Variants in CAPN9 observed in about 807,000 individuals in gnomAD.
The protein encoded by CAPN9 is calpain-9.
A neutral mutation model predicts 92.8 loss-of-function variants in CAPN9; 81 were observed. That is an observed-to-expected ratio of 0.87 (90% CI 0.73 to 1.05). CAPN9 has a LOEUF of 1.05. Among genes scored for constraint, CAPN9 ranks in the 50% least tolerant of loss-of-function variants. The probability of loss-of-function intolerance (pLI) is 0.00; values close to 1 mark genes in which losing one functional copy is unlikely to be tolerated. For missense variants in CAPN9, 848 were observed against 866.2 expected, an observed-to-expected ratio of 0.98 and a Z score of 0.26; for synonymous variants, 304 against 328.0, an observed-to-expected ratio of 0.93 and a Z score of 0.79.
intron 17 of CAPN9, 139 bp from the exon 18 acceptor site, chr1:230,795,024 G>A: frequency 1.5e-6 from 1 of 647,202 alleles, no homozygotes; most frequent in Non-Finnish European, 2.8e-6. Flanking sequence ...TGGGTCTGGG[G>A]ACCCCAGCTT....
chr1:230,755,423 G>T lies in CAPN9; in HGVS notation c.283+17G>T. ...GAGAGCTGGGTGAGTGTAAGTGGAT[G>T]GAGCATGGCGAGAGGGAGGTTGAGT... On this transcript the variant is annotated intron_variant, in intron 2 of 19. Coordinates refer to ENST00000271971, the MANE Select transcript of CAPN9 (RefSeq NM_006615.3). The T allele has an allele frequency of 6.3e-7, 1 of 1,587,434 alleles. No homozygotes were observed. The highest frequency in any genetic ancestry group is 2.3e-5 in the East Asian group (1 of 43,398).
At chr1:230,769,333 T>C in intron 6 of CAPN9, 70 bp downstream of exon 6, 3 of 1,107,288 alleles carry the variant, frequency 2.7e-6, no homozygotes, top group Non-Finnish European at 4.1e-6. Context: ...TAGGCATTTA[T>C]TCAGTGCATT....
chr1:230,778,574 C>G (rs555737996), intron 8 of CAPN9, among the ~76,000 whole-genome samples: 51 of 152,310 alleles, frequency 3.3e-4, no homozygotes, highest in African/African-American at 1.2e-3. Flanking sequence ...GCCTCGGGGC[C>G]TTGCTGTCCA....
intron 9 of CAPN9, 71 bp from the exon 10 acceptor site, chr1:230,780,108 G>GTGTGGTCTT: frequency 1.0e-6 from 1 of 958,138 alleles, no homozygotes; most frequent in Non-Finnish European, 1.6e-6. Flanking sequence ...GTGTGTGTGT[G>GTGTGGTCTT]TGTGTGTGTG....
intron 1 of CAPN9, among the ~76,000 whole-genome samples, chr1:230,755,131 G>A (rs1349450285): frequency 1.3e-5 from 2 of 152,196 alleles, no homozygotes; most frequent in African/African-American, 4.8e-5. Context: ...CTCCCCGGCG[G>A]AGGAGATTTA....
intron 19 of CAPN9, among the ~76,000 whole-genome samples, chr1:230,799,008 A>G (rs149598344): frequency 1.3e-5 from 2 of 151,798 alleles, no homozygotes; most frequent in East Asian, 1.9e-4. Flanking sequence ...TGTAATTTTT[A>G]TCTCCCTTTT....
In CAPN9 at chr1:230,791,891, G is replaced by A; in HGVS notation, c.1685G>A (p.Ser562Asn). Residue 562 changes from serine (S) to asparagine (N), a missense_variant, in exon 15 of 20, where the codon AGC becomes AAC. Physicochemically the swap from Ser to Asn is conservative, Grantham distance 46 (BLOSUM62 1). Transcript: ENST00000271971. ...AAGGACATCAAATTCAAGAAGCTAA[G>A]CCTGATCTCCTGTAAAAACATCATT... ...KKKDIKFKKL[S>N]LISCKNIISL... 3.7e-6 allele frequency: 6 copies of A among 1,613,766 alleles called. No homozygotes were observed. Among genetic ancestry groups the A allele is most frequent in the Non-Finnish European group, 5.1e-6 (6 of 1,179,698 alleles).
chr1:230,769,087 G>A, intron 5 of CAPN9, 93 bp from the exon 6 acceptor site: 3 of 977,768 alleles, frequency 3.1e-6, no homozygotes, highest in Non-Finnish European at 4.9e-6. Context: ...GGGGCTGGAG[G>A]TTGTGACCGG....
At chr1:230,796,113 G>A (rs1018436334) in intron 18 of CAPN9, among the ~76,000 whole-genome samples, 4 of 150,510 alleles carry the variant, frequency 2.7e-5, no homozygotes, top group Non-Finnish European at 4.4e-5. Context: ...CAGTTGGATC[G>A]TGAGGTCAGG....
Position 230,801,717 on chromosome 1 carries a change from C to A in CAPN9, c.*121C>A. ...GTTCACTCCCCTCTCATCGTCCGGC[C>A]TTCTCCCTTCATCTTGATCTGGGAA... On this transcript the variant is annotated 3_prime_UTR_variant, in exon 20 of 20. Transcript: ENST00000271971. 1.1e-6 allele frequency: 1 copy of A among 873,126 alleles called. No homozygotes were observed. The highest frequency in any genetic ancestry group is 2.0e-6 in the Non-Finnish European group (1 of 508,758). 54.1% of individuals were successfully genotyped at this position (873,126 alleles called of 1,614,324 possible). A position where few individuals can be genotyped will look rare whatever the true frequency, so the allele number is the denominator to read the frequency against.
In CAPN9 at chr1:230,780,595, C is replaced by T. The variant is rs988262602; in HGVS notation, c.1368C>T (p.Ser456=). The T allele has an allele frequency of 9.3e-6, 15 of 1,614,048 alleles. No homozygotes were observed. The highest frequency in any genetic ancestry group is 1.7e-5 in the Admixed American group (1 of 59,994). ...SKTFINLREV[S]DRFKLPPGEY... The stretch of plus-strand genomic sequence containing the variant: ...CGTTCATCAACCTGAGAGAAGTCTC[C>T]GACCGGTTCAAGCTGCCCCCTGGGG... The change falls in exon 11 of 20, where the codon TCC becomes TCT. Residue 456 remains serine (S), a synonymous_variant. Transcript: ENST00000271971.
chr1:230,785,209 A>G (rs941606756), intron 11 of CAPN9, among the ~76,000 whole-genome samples: 5 of 152,226 alleles, frequency 3.3e-5, no homozygotes, highest in African/African-American at 1.2e-4. Flanking sequence ...ACAGGCTCAT[A>G]GGTGATGGGA....
At chr1:230,748,918 A>C (rs1391294711) in intron 1 of CAPN9, among the ~76,000 whole-genome samples, 1 of 152,056 alleles carries the variant, frequency 6.6e-6, no homozygotes, top group African/African-American at 2.4e-5. Context: ...TTTTATTGCT[A>C]TTTCCTGCAG....
chr1:230,761,257 C>T (rs1020534623), intron 3 of CAPN9, among the ~76,000 whole-genome samples: 1 of 152,176 alleles, frequency 6.6e-6, no homozygotes, highest in Non-Finnish European at 1.5e-5. Flanking sequence ...CTTCACACTC[C>T]TCTTCCACTC....
intron 4 of CAPN9, among the ~76,000 whole-genome samples, chr1:230,765,824 T>A (rs1252105653): frequency 6.6e-6 from 1 of 152,206 alleles, no homozygotes; most frequent in Non-Finnish European, 1.5e-5. Context: ...TTATATTCCA[T>A]CCTTGAGGAG....
Position 230,780,496 on chromosome 1 carries a change from G to C in CAPN9, c.1273-4G>C, listed in dbSNP as rs765485604. On this transcript the variant is annotated splice_region_variant and splice_polypyrimidine_tract_variant and intron_variant, in intron 10 of 19. Coordinates refer to ENST00000271971, the MANE Select transcript of CAPN9 (RefSeq NM_006615.3). ...GAAACCCCTCCCTTTCTTGCCCATT[G>C]CAGTGCCCTGACAAAGACGAACACC... The C allele has an allele frequency of 6.2e-7, 1 of 1,613,860 alleles. No individual in the cohort carries two copies. The highest frequency in any genetic ancestry group is 8.5e-7 in the Non-Finnish European group (1 of 1,179,832).
chr1:230,749,460 C>T (rs1465212200), intron 1 of CAPN9, among the ~76,000 whole-genome samples: 3 of 152,204 alleles, frequency 2.0e-5, no homozygotes, highest in Admixed American at 6.5e-5. Context: ...CAAATGGGCG[C>T]GTGGGCAGCT....
intron 1 of CAPN9, among the ~76,000 whole-genome samples, 165 bp downstream of exon 1, chr1:230,747,874 T>C (rs1326371191): frequency 1.3e-5 from 2 of 151,978 alleles, no homozygotes; most frequent in Non-Finnish European, 2.9e-5. Flanking sequence ...AGGCAGAAAA[T>C]AATGTACAGG....
At chr1:230,795,704 G>A (rs1558120598) in intron 18 of CAPN9, among the ~76,000 whole-genome samples, 1 of 151,988 alleles carries the variant, frequency 6.6e-6, no homozygotes, top group Admixed American at 6.5e-5. Flanking sequence ...CAAATAGAGA[G>A]GGATTATGTG....
Sources: gnomAD v4.1 joint callset for allele counts (sites outside exome capture counted in the v4.1 genomes callset) on GRCh38, gnomAD v4.1.1 for gene constraint, MANE v1.5 for transcripts, NCBI Gene and HGNC (gene_info 2026-07-23, HGNC 2026-07-21) for gene names.